The following CFAP47 variants were observed in gnomAD, a reference collection of about 807,000 sequenced individuals.
The protein encoded by CFAP47 is cilia and flagella associated protein 47, also known as cilia- and flagella-associated protein 47.
CFAP47 carries 29 observed loss-of-function variants against 148.1 expected under a neutral mutation model. That is an observed-to-expected ratio of 0.20 (90% CI 0.15 to 0.27). The LOEUF (loss-of-function observed/expected upper bound fraction) is 0.27. Among genes scored for constraint, CFAP47 ranks in the 10% least tolerant of loss-of-function variants. CFAP47 has a pLI of 1.00. For missense variants in CFAP47, 1,872 were observed against 1,697.5 expected (o/e 1.10, Z -1.81); for synonymous variants, 664 against 577.3 (o/e 1.15, Z -2.15).
rs941710148 is a variant in CFAP47, at chrX:35,925,015, C to T, written c.250-1002C>T. Among the ~76,000 whole-genome samples the T allele has an allele frequency of 2.7e-5, 3 of 111,358 alleles. 1 individual carries two copies. Among genetic ancestry groups the T allele is most frequent in the Non-Finnish European group, 5.7e-5 (3 of 53,080 alleles). ...ATGTTGGTCAAAGGGTACAAAGTTT[C>T]AGTTAAACAGGAAGAATGAGTTCCG... On this transcript the variant is annotated intron_variant, in intron 1 of 63. Transcript: ENST00000378653.
intron 51 of CFAP47, among the ~76,000 whole-genome samples, chrX:36,289,574 A>C (rs1259070095): frequency 1.8e-5 from 2 of 111,744 alleles, no homozygotes; most frequent in Admixed American, 1.9e-4. Flanking sequence ...TCATATAAAA[A>C]ATATTCTATA....
chrX:36,224,093 A>G (rs1940243422), intron 45 of CFAP47, among the ~76,000 whole-genome samples: 1 of 111,683 alleles, frequency 9.0e-6, no homozygotes, highest in Non-Finnish European at 1.9e-5. Flanking sequence ...TTATGTCTTA[A>G]CTTTCACAAC....
chrX:36,172,892 A>G (rs1442732566), intron 39 of CFAP47, among the ~76,000 whole-genome samples: 1 of 111,005 alleles, frequency 9.0e-6, no homozygotes, highest in Non-Finnish European at 1.9e-5. Context: ...TCCTCCTTGT[A>G]CCTCTGGTAG....
intron 1 of CFAP47, among the ~76,000 whole-genome samples, chrX:35,924,203 A>G (rs781545664): frequency 7.6e-5 from 8 of 105,071 alleles, no homozygotes; most frequent in African/African-American, 1.1e-4. Context: ...GTATATATGG[A>G]CATGTATGTG....
At chrX:36,143,074 G>A (rs1000589615) in intron 35 of CFAP47, among the ~76,000 whole-genome samples, 2 of 111,453 alleles carry the variant, frequency 1.8e-5, no homozygotes, top group Admixed American at 9.5e-5. Flanking sequence ...ATTTACTAAC[G>A]TCGTCTTTAA....
chrX:36,336,518 A>G (rs1159108102), intron 57 of CFAP47, among the ~76,000 whole-genome samples: 2 of 111,656 alleles, frequency 1.8e-5, no homozygotes, highest in Non-Finnish European at 3.8e-5. Flanking sequence ...GTCCACTAGC[A>G]ATAGACAGAT....
chrX:35,988,780 A>G (rs773018246), intron 15 of CFAP47, among the ~76,000 whole-genome samples: 2 of 112,200 alleles, frequency 1.8e-5, no homozygotes, highest in African/African-American at 6.5e-5. Context: ...TGAGTTCTCA[A>G]TGTATTTGAA....
At chrX:35,923,119 C>T (rs1423700829) in intron 1 of CFAP47, among the ~76,000 whole-genome samples, 1 of 111,005 alleles carries the variant, frequency 9.0e-6, no homozygotes, top group East Asian at 2.9e-4. Flanking sequence ...TAGTCTGCTT[C>T]CTTAAAGAGA....
At chrX:36,012,400 A>T (rs1349321499) in intron 21 of CFAP47, among the ~76,000 whole-genome samples, 1 of 112,055 alleles carries the variant, frequency 8.9e-6, no homozygotes, top group Non-Finnish European at 1.9e-5. Context: ...ACAATAGCAA[A>T]GACTCGGAAC....
chrX:36,253,323 G>C (rs60011835), intron 49 of CFAP47, among the ~76,000 whole-genome samples: 1 of 111,178 alleles, frequency 9.0e-6, no homozygotes, highest in African/African-American at 3.3e-5. Flanking sequence ...AGTTAAATTA[G>C]TTGTCCCATT....
chrX:35,995,771 A>G (rs184863815), intron 18 of CFAP47, among the ~76,000 whole-genome samples: 27 of 111,389 alleles, frequency 2.4e-4, no homozygotes, highest in Admixed American at 6.7e-4. Context: ...CTGTTGCTCT[A>G]TGGGTCCAGA....
chrX:36,296,432 A>G (rs1046647600), intron 51 of CFAP47, among the ~76,000 whole-genome samples: 3 of 112,266 alleles, frequency 2.7e-5, no homozygotes, highest in Non-Finnish European at 5.6e-5. Flanking sequence ...AGGTCACAAC[A>G]TGTGAGTGGC....
chrX:36,329,497 A>C (rs782450615), intron 57 of CFAP47, among the ~76,000 whole-genome samples: 3 of 112,119 alleles, frequency 2.7e-5, no homozygotes, highest in Admixed American at 1.9e-4. Context: ...GTGAAATGAA[A>C]GAACAGCAGT....
chrX:36,128,994 C>CT (rs962165430), intron 33 of CFAP47, among the ~76,000 whole-genome samples: 8 of 108,650 alleles, frequency 7.4e-5, no homozygotes, highest in South Asian at 7.7e-4. Context: ...GGAGAACATT[C>CT]TTTTTTTGGA....
In CFAP47 at chrX:36,104,534, C is replaced by A. The variant is rs767628108; in HGVS notation, c.5163C>A (p.Ser1721Arg). 4.1e-6 allele frequency: 4 copies of A among 983,285 alleles called. No homozygotes were observed. In the African/African-American group the frequency reaches 7.7e-5, roughly 19 times the overall value. 81.0% of individuals were successfully genotyped at this position (983,285 alleles called of 1,213,427 possible). A position where few individuals can be genotyped will look rare whatever the true frequency, so the allele number is the denominator to read the frequency against. Residue 1721 changes from serine to arginine, a missense_variant, in exon 33 of 64, where the codon AGC becomes AGA. Transcript: ENST00000378653. Reference protein sequence around the residue: ...LVLSRVVPYCSNNMPPICVQN... With the variant: ...LVLSRVVPYCRNNMPPICVQN... The stretch of plus-strand genomic sequence containing the variant: ...TATCCCGTGTAGTGCCATACTGCAG[C>A]AATAATATGCCCCCCATATGTGTGC...
chrX:36,297,356 C>G (rs1373339107), intron 51 of CFAP47, among the ~76,000 whole-genome samples: 1 of 111,963 alleles, frequency 8.9e-6, no homozygotes, highest in East Asian at 2.8e-4. Context: ...TTTGTCACCC[C>G]TGTAACATGA....
intron 51 of CFAP47, among the ~76,000 whole-genome samples, chrX:36,291,899 G>A (rs1386037459): frequency 2.7e-5 from 3 of 110,971 alleles, no homozygotes; most frequent in African/African-American, 6.6e-5. Flanking sequence ...CATATACGGC[G>A]GGGGAGGTGG....
rs1427957265 is a variant in CFAP47 at position 36,306,872 on chromosome X, C to T, written c.8183C>T (p.Thr2728Ile). 1 of 1,079,530 alleles carries T rather than the reference C, an allele frequency of 9.3e-7. No homozygotes were observed. Among genetic ancestry groups the T allele is most frequent in the Non-Finnish European group, 1.2e-6 (1 of 804,412 alleles). The allele number at this position is 1,079,530 out of a possible 1,213,427, so 89.0% of individuals were successfully genotyped here. A position where few individuals can be genotyped will look rare whatever the true frequency, so the allele number is the denominator to read the frequency against. ...CAAGCTTGCATCAACTTCTACTGTA[C>T]TCAGGTATGATAGAGTATTCTTGGA... Reference protein sequence around the residue: ...DHQACINFYCTQFTEWKFYLS... With the variant: ...DHQACINFYCIQFTEWKFYLS... Residue 2728 changes from threonine to isoleucine, a missense_variant, in exon 55 of 64, where the codon ACT becomes ATT. Physicochemically the swap from Thr to Ile is moderately conservative, Grantham distance 89 (BLOSUM62 -1). Coordinates refer to ENST00000378653, the MANE Select transcript of CFAP47 (RefSeq NM_001304548.2).
At chrX:35,961,829 A>T (rs771328407) in intron 8 of CFAP47, among the ~76,000 whole-genome samples, 1 of 111,077 alleles carries the variant, frequency 9.0e-6, no homozygotes, top group East Asian at 2.8e-4. Flanking sequence ...ATTTATTACT[A>T]CTTTTGTGTT....
Sources: gnomAD v4.1 joint callset for allele counts (sites outside exome capture counted in the v4.1 genomes callset) on GRCh38, gnomAD v4.1.1 for gene constraint, MANE v1.5 for transcripts, NCBI Gene and HGNC (gene_info 2026-07-23, HGNC 2026-07-21) for gene names.